The following PRDM2 variants were observed in gnomAD, a reference collection of about 807,000 sequenced individuals.
PRDM2 encodes PR/SET domain 2, also known as PR domain zinc finger protein 2.
A neutral mutation model predicts 130.0 loss-of-function variants in PRDM2; 30 were observed. The ratio of observed to expected loss-of-function variants is 0.23; its 90% confidence interval spans 0.17 to 0.31. The LOEUF (loss-of-function observed/expected upper bound fraction) is 0.31, where lower values mean the gene tolerates loss of function less well. PRDM2 is among the 10% of genes least tolerant of loss of function. PRDM2 has a pLI of 1.00. For synonymous variants in PRDM2, 871 were observed against 782.4 expected, an observed-to-expected ratio of 1.11 and a Z score of -1.89; for missense variants, 2,011 against 2,108.4, an observed-to-expected ratio of 0.95 and a Z score of 0.90.
At chr1:13,800,827 C>T (rs1490351112) in intron 8 of PRDM2, among the ~76,000 whole-genome samples, 2 of 152,222 alleles carry the variant, frequency 1.3e-5, no homozygotes, top group African/African-American at 4.8e-5. Flanking sequence ...AAGAGCCTCT[C>T]TGGATTGAAC....
chr1:13,737,747 G>C (rs1569808516), intron 4 of PRDM2, among the ~76,000 whole-genome samples: 1 of 152,000 alleles, frequency 6.6e-6, no homozygotes, highest in African/African-American at 2.4e-5. Context: ...AGGTTTACTT[G>C]TACTCAGATT....
At chr1:13,737,248 GTTTTTACA>G (rs1471754833) in intron 4 of PRDM2, among the ~76,000 whole-genome samples, 1 of 152,172 alleles carries the variant, frequency 6.6e-6, no homozygotes, top group Non-Finnish European at 1.5e-5. Context: ...GCTAAGAATG[GTTTTTACA>G]TTTTTAAAGG....
rs1309968149 is a variant in PRDM2, at chr1:13,780,276, C to T, written c.2481C>T (p.Ser827=). 3.1e-6 allele frequency: 5 copies of T among 1,613,926 alleles called. No individual in the cohort carries two copies. The African/African-American group carries it at 5.3e-5, about 17-fold the overall frequency. Residue 827 remains serine, a synonymous_variant, in exon 8 of 10, where the codon TCC becomes TCT. Coordinates refer to ENST00000311066, the MANE Select transcript of PRDM2 (RefSeq NM_001393986.1). ...GCAACCAGCAGCCACTGGATTTATC[C>T]AGCGGTGTCAAACAGAAGGCTGAGG... The part of the protein sequence containing the change: ...SVCNQQPLDL[S]SGVKQKAEGT...
chr1:13,814,587 T>C (rs1645227598), intron 8 of PRDM2, among the ~76,000 whole-genome samples: 1 of 152,204 alleles, frequency 6.6e-6, no homozygotes. Context: ...CTGGGCACTG[T>C]AGGAGGTTTG....
chr1:13,729,847 AGTAGATGACC>A (rs1252870413), intron 2 of PRDM2, among the ~76,000 whole-genome samples: 1 of 152,170 alleles, frequency 6.6e-6, no homozygotes, highest in Non-Finnish European at 1.5e-5. Flanking sequence ...CAGGCCAGAG[AGTAGATGACC>A]ATGTTTATAA....
Position 13,773,126 on chromosome 1 carries a change from A to T in PRDM2, c.560A>T (p.Asp187Val). ...ENKNKGNKIQ[D>V]IQLKTSEPDF... is the part of the protein sequence containing the mutation. ...AAAAACAAAGGAAACAAAATCCAAG[A>T]CATACAACTGAAGACAAGTGAGCCA... Residue 187 changes from aspartate to valine, a missense_variant, in exon 7 of 10, where the codon GAC becomes GTC. Asp to Val is a radical substitution (Grantham distance 152). Coordinates refer to ENST00000311066, the MANE Select transcript of PRDM2 (RefSeq NM_001393986.1). The T allele has an allele frequency of 5.7e-6, 9 of 1,579,084 alleles. No homozygotes were observed. The highest frequency in any genetic ancestry group is 7.7e-6 in the Non-Finnish European group (9 of 1,167,054).
In PRDM2 at chr1:13,715,593, A is replaced by G. The variant is rs1474184458; in HGVS notation, c.-13A>G. Reference sequence around the variant, plus strand: ...GTTGTGTGTATCTTTACAGAACACAACAGGAATTGAAAATGAATCAGGTGA... The same window carrying G: ...GTTGTGTGTATCTTTACAGAACACAGCAGGAATTGAAAATGAATCAGGTGA... On this transcript the variant is annotated 5_prime_UTR_variant, in exon 2 of 10. Coordinates refer to ENST00000311066, the MANE Select transcript of PRDM2 (RefSeq NM_001393986.1). 13 of 1,590,874 alleles carry G rather than the reference A, an allele frequency of 8.2e-6. No homozygotes were observed. In the African/African-American group the frequency reaches 9.5e-5, roughly 12 times the overall value.
rs1485364167 is a variant in PRDM2 at position 13,824,090 on chromosome 1, G to A, written c.*955G>A. 4 of 152,676 alleles carry A rather than the reference G, an allele frequency of 2.6e-5. No homozygotes were observed. Among genetic ancestry groups the A allele is most frequent in the African/African-American group, 4.8e-5 (2 of 41,452 alleles). The allele number at this position is 152,676 out of a possible 1,614,324, so 9.5% of individuals were successfully genotyped here. A position where few individuals can be genotyped will look rare whatever the true frequency, so the allele number is the denominator to read the frequency against. On this transcript the variant is annotated 3_prime_UTR_variant, in exon 10 of 10. Coordinates refer to ENST00000311066, the MANE Select transcript of PRDM2 (RefSeq NM_001393986.1). ...TTTCGGAGGCCATCCTGCCAGGGGC[G>A]GACGGGGCTGACTCCTGCTCTCTGG...
intron 2 of PRDM2, among the ~76,000 whole-genome samples, chr1:13,724,184 A>G (rs1185831362): frequency 2.6e-5 from 4 of 152,166 alleles, no homozygotes; most frequent in Non-Finnish European, 4.4e-5. Context: ...CCTGGGGTTT[A>G]AAGTATTGGG....
chr1:13,807,581 T>C (rs1645105016), intron 8 of PRDM2, among the ~76,000 whole-genome samples: 1 of 152,038 alleles, frequency 6.6e-6, no homozygotes, highest in Admixed American at 6.5e-5. Flanking sequence ...AACAGAAACT[T>C]GAAAGGGGGC....
intron 1 of PRDM2, among the ~76,000 whole-genome samples, chr1:13,703,028 A>G (rs1254947921): frequency 6.6e-6 from 1 of 152,190 alleles, no homozygotes; most frequent in South Asian, 2.1e-4. Context: ...AGCACCAGCT[A>G]TGCTGTCACC....
intron 8 of PRDM2, among the ~76,000 whole-genome samples, chr1:13,784,323 T>C (rs370130884): frequency 2.0e-5 from 3 of 152,152 alleles, no homozygotes; most frequent in South Asian, 4.1e-4. Context: ...ATGATCAAAT[T>C]GAGTCCTTTT....
chr1:13,722,535 C>T (rs114063549), intron 2 of PRDM2, among the ~76,000 whole-genome samples: 3,878 of 151,934 alleles, frequency 0.026, 164 homozygotes, highest in African/African-American at 0.088. Flanking sequence ...ATGGGTAGAC[C>T]GAACAAACCC....
chr1:13,812,497 G>A (rs180732864), intron 8 of PRDM2, among the ~76,000 whole-genome samples: 42 of 152,194 alleles, frequency 2.8e-4, no homozygotes, highest in African/African-American at 9.4e-4. Flanking sequence ...GTTTGGCAGT[G>A]CCATTTCCTG....
intron 4 of PRDM2, among the ~76,000 whole-genome samples, chr1:13,739,987 G>T (rs1009204328): frequency 1.3e-5 from 2 of 152,122 alleles, no homozygotes; most frequent in African/African-American, 2.4e-5. Context: ...GTATTCGTTT[G>T]TGAATTACTT....
chr1:13,741,856 TTC>T, intron 4 of PRDM2, 147 bp from the exon 5 acceptor site: 1 of 650,238 alleles, frequency 1.5e-6, no homozygotes. Context: ...TATTTTTCTT[TTC>T]TCTGTCGCTT....
chr1:13,780,500 C>G lies in PRDM2; in HGVS notation c.2705C>G (p.Pro902Arg), dbSNP rs747507300. 2.5e-6 allele frequency: 4 copies of G among 1,614,140 alleles called. No individual in the cohort carries two copies. Among genetic ancestry groups the G allele is most frequent in the Non-Finnish European group, 1.7e-6 (2 of 1,180,040 alleles). Reference protein sequence around the residue: ...LLNEYNGIDLPVENPADGTRS... With the variant: ...LLNEYNGIDLRVENPADGTRS... Reference sequence around the variant, plus strand: ...AATGAATATAATGGCATCGATTTACCTGTAGAAAACCCTGCAGATGGGACC... The same window carrying G: ...AATGAATATAATGGCATCGATTTACGTGTAGAAAACCCTGCAGATGGGACC... Residue 902 changes from proline (P) to arginine (R), a missense_variant, in exon 8 of 10, where the codon CCT becomes CGT. Pro to Arg is a moderately radical substitution (Grantham distance 103, BLOSUM62 -2). Coordinates refer to ENST00000311066, the MANE Select transcript of PRDM2 (RefSeq NM_001393986.1).
chr1:13,778,516 ACCCCTG>A lies in PRDM2; in HGVS notation c.730_735del (p.Pro244_Ala245del). ...TCAGGAGGTGCCTCCAGAACTAGCA[ACCCCTG>A]CCCCTGCCTGGGAGCCACAGCCAGA... On this transcript the variant is annotated inframe_deletion, in exon 8 of 10. Transcript: ENST00000311066. The A allele has an allele frequency of 6.2e-7, 1 of 1,614,052 alleles. No individual in the cohort carries two copies. The highest frequency in any genetic ancestry group is 2.2e-5 in the East Asian group (1 of 44,876).
At chr1:13,815,452 T>C (rs998466053) in intron 8 of PRDM2, among the ~76,000 whole-genome samples, 1 of 152,108 alleles carries the variant, frequency 6.6e-6, no homozygotes, top group Non-Finnish European at 1.5e-5. Flanking sequence ...GATGCAACAA[T>C]GAACAGGACA....
Sources: gnomAD v4.1 joint callset for allele counts (sites outside exome capture counted in the v4.1 genomes callset) on GRCh38, gnomAD v4.1.1 for gene constraint, MANE v1.5 for transcripts, NCBI Gene and HGNC (gene_info 2026-07-23, HGNC 2026-07-21) for gene names.